Variants in NRXN3 observed in about 807,000 individuals in gnomAD.
NRXN3 encodes the protein neurexin III.
In NRXN3, 32 loss-of-function variants were observed where a neutral mutation model predicts 137.6. The observed-to-expected ratio is 0.23, with a 90% CI of 0.18 to 0.31. NRXN3 has a LOEUF of 0.31. NRXN3 is among the 10% of genes least tolerant of loss of function. The pLI is 1.00. For synonymous variants in NRXN3, 798 were observed against 784.5 expected, an observed-to-expected ratio of 1.02 and a Z score of -0.29; for missense variants, 1,574 against 2,062.5, an observed-to-expected ratio of 0.76 and a Z score of 4.59.
In NRXN3 at chr14:79,640,512, C is replaced by G. The variant is rs769065385; in HGVS notation, c.3445-23266C>G. Among the ~76,000 whole-genome samples the G allele has an allele frequency of 6.6e-5, 9 of 135,474 alleles. 2 individuals carry two copies. Among genetic ancestry groups the G allele is most frequent in the Non-Finnish European group, 1.4e-4 (8 of 58,200 alleles). 88.9% of individuals were successfully genotyped at this position (135,474 alleles called of 152,430 possible). A position where few individuals can be genotyped will look rare whatever the true frequency, so the allele number is the denominator to read the frequency against. ...TTCTTATCATCTTGATGCTGTTGCT[C>G]ATTTTGCTTAAGTTTTAAAGATTTG... On this transcript the variant is annotated intron_variant, in intron 16 of 20. Coordinates refer to ENST00000335750, the MANE Select transcript of NRXN3 (RefSeq NM_001330195.2).
At chr14:78,179,260 G>T (rs767950361) in intron 1 of NRXN3, among the ~76,000 whole-genome samples, 47 of 152,072 alleles carry the variant, frequency 3.1e-4, no homozygotes, top group Non-Finnish European at 5.9e-4. Flanking sequence ...GAATGAGCGG[G>T]ATCCCCCAGG....
intron 15 of NRXN3, among the ~76,000 whole-genome samples, chr14:79,371,023 G>C (rs183023420): frequency 6.6e-6 from 1 of 152,154 alleles, no homozygotes; most frequent in African/African-American, 2.4e-5. Context: ...ATCAGCTAAT[G>C]AGACTTAGTG....
At chr14:78,632,841 G>A (rs192418568) in intron 4 of NRXN3, among the ~76,000 whole-genome samples, 1 of 152,106 alleles carries the variant, frequency 6.6e-6, no homozygotes, top group Non-Finnish European at 1.5e-5. Flanking sequence ...TATTTACATC[G>A]TGTTTGTTTC....
chr14:79,276,060 A>G (rs1304800140), intron 15 of NRXN3, among the ~76,000 whole-genome samples: 10 of 152,198 alleles, frequency 6.6e-5, no homozygotes. Flanking sequence ...GACCCACTAG[A>G]AAAGCCAACT....
At chr14:79,806,873 C>T (rs1603548299) in intron 20 of NRXN3, among the ~76,000 whole-genome samples, 1 of 141,232 alleles carries the variant, frequency 7.1e-6, no homozygotes, top group African/African-American at 2.6e-5. Flanking sequence ...AGGTCACAAT[C>T]CTCAATACGT....
chr14:79,739,383 G>A (rs576604160), intron 19 of NRXN3, among the ~76,000 whole-genome samples: 17 of 152,178 alleles, frequency 1.1e-4, no homozygotes, highest in African/African-American at 1.9e-4. Context: ...GGTGGCTCAC[G>A]CCTGTAATCT....
At chr14:78,835,355 C>T (rs539857092) in intron 10 of NRXN3, among the ~76,000 whole-genome samples, 2 of 152,186 alleles carry the variant, frequency 1.3e-5, no homozygotes, top group Non-Finnish European at 1.5e-5. Flanking sequence ...TGGCTGGTGG[C>T]GGCGGTGGCA....
At chr14:79,308,882 T>A (rs1474427917) in intron 15 of NRXN3, among the ~76,000 whole-genome samples, 1 of 142,374 alleles carries the variant, frequency 7.0e-6, no homozygotes, top group African/African-American at 2.7e-5. Context: ...TTTATTTTAT[T>A]TTATTTTATT....
chr14:78,979,365 A>C (rs1454920907), intron 14 of NRXN3, among the ~76,000 whole-genome samples: 1 of 152,160 alleles, frequency 6.6e-6, no homozygotes, highest in East Asian at 1.9e-4. Flanking sequence ...AGAGTCTTTC[A>C]TAATCCATTT....
intron 4 of NRXN3, among the ~76,000 whole-genome samples, chr14:78,438,863 C>T (rs1399891014): frequency 6.6e-6 from 1 of 152,044 alleles, no homozygotes; most frequent in Non-Finnish European, 1.5e-5. Flanking sequence ...CAGCAAGCCA[C>T]ATGCCACCAA....
chr14:79,696,104 C>T (rs2098734450), intron 18 of NRXN3, among the ~76,000 whole-genome samples: 1 of 151,958 alleles, frequency 6.6e-6, no homozygotes, highest in South Asian at 2.1e-4. Flanking sequence ...ATTCTCTTCT[C>T]TGCCACTTCC....
At chr14:78,224,748 G>A (rs1379402370) in intron 1 of NRXN3, among the ~76,000 whole-genome samples, 1 of 78,772 alleles carries the variant, frequency 1.3e-5, no homozygotes, top group Non-Finnish European at 2.5e-5. Context: ...GTGTGCATGT[G>A]TCTTTTTTTT....
intron 15 of NRXN3, among the ~76,000 whole-genome samples, chr14:79,342,258 G>A (rs923263337): frequency 6.6e-6 from 1 of 152,176 alleles, no homozygotes; most frequent in Non-Finnish European, 1.5e-5. Context: ...AGGTCAGACT[G>A]TTGATGCTGG....
At chr14:78,963,566 G>T (rs2099412206) in intron 11 of NRXN3, among the ~76,000 whole-genome samples, 2 of 152,140 alleles carry the variant, frequency 1.3e-5, no homozygotes, top group South Asian at 4.1e-4. Context: ...TTTAGATTAT[G>T]TTGCTTTGTA....
At chr14:78,310,038 A>G (rs543006325) in intron 4 of NRXN3, among the ~76,000 whole-genome samples, 1 of 152,258 alleles carries the variant, frequency 6.6e-6, no homozygotes, top group Non-Finnish European at 1.5e-5. Context: ...TCCAGTTTGT[A>G]TTACCTGAGT....
At chr14:79,546,857 C>G (rs1426496626) in intron 16 of NRXN3, among the ~76,000 whole-genome samples, 1 of 152,132 alleles carries the variant, frequency 6.6e-6, no homozygotes, top group Non-Finnish European at 1.5e-5. Flanking sequence ...CTCATTTGCC[C>G]CTGCTGCGGG....
intron 19 of NRXN3, among the ~76,000 whole-genome samples, chr14:79,749,878 T>C (rs1470085859): frequency 6.6e-6 from 1 of 152,200 alleles, no homozygotes; most frequent in Non-Finnish European, 1.5e-5. Context: ...CTCCTGTGTA[T>C]AGCAGATTGA....
At chr14:79,524,767 G>A (rs2097102808) in intron 16 of NRXN3, among the ~76,000 whole-genome samples, 1 of 152,174 alleles carries the variant, frequency 6.6e-6, no homozygotes, top group Admixed American at 6.5e-5. Flanking sequence ...ATACACAGGA[G>A]CCTTCAAAAT....
chr14:79,250,098 G>A (rs2075731970), intron 15 of NRXN3, among the ~76,000 whole-genome samples: 1 of 152,126 alleles, frequency 6.6e-6, no homozygotes, highest in Non-Finnish European at 1.5e-5. Flanking sequence ...TTTCCTTCAT[G>A]CAAACATAAA....
Sources: allele counts gnomAD v4.1 joint callset (sites outside exome capture counted in the v4.1 genomes callset), GRCh38; gene constraint gnomAD v4.1.1; transcripts MANE v1.5; gene names NCBI Gene and HGNC (gene_info 2026-07-23, HGNC 2026-07-21).